SLCO1B1: variants seen among roughly 807,000 people sequenced by gnomAD.
SLCO1B1 encodes OATP-2.
A neutral mutation model predicts 70.1 loss-of-function variants in SLCO1B1; 81 were observed. The ratio of observed to expected loss-of-function variants is 1.16; its 90% CI spans 0.97 to 1.39. SLCO1B1 has a LOEUF of 1.39. Ranked by LOEUF, SLCO1B1 falls within the 40% of genes most tolerant of loss-of-function variation. The probability of loss-of-function intolerance (pLI) is 0.00; values close to 1 mark genes in which losing one functional copy is unlikely to be tolerated. For missense variants in SLCO1B1, 895 were observed against 799.6 expected, an observed-to-expected ratio of 1.12 and a Z score of -1.44; for synonymous variants, 283 against 271.5, an observed-to-expected ratio of 1.04 and a Z score of -0.42.
rs1463981909 is a variant in SLCO1B1, at chr12:21,200,660, A to G, written c.1123A>G (p.Asn375Asp). 1 of 1,611,906 alleles carries G rather than the reference A, an allele frequency of 6.2e-7. No homozygotes were observed. Among genetic ancestry groups the G allele is most frequent in the African/African-American group, 1.3e-5 (1 of 74,874 alleles). Residue 375 changes from asparagine to aspartate, a missense_variant, in exon 9 of 15, where the codon AAC becomes GAC. Asn to Asp is a conservative substitution (Grantham distance 23). Transcript: ENST00000256958. ...QQYGQPSSKA[N>D]ILLGVITIPI... is the part of the protein sequence containing the mutation. ...GTATGGTCAGCCTTCATCTAAGGCTAACATCTTATTGGGTAAGACATATTT... is the reference window on the plus strand; with the variant it reads ...GTATGGTCAGCCTTCATCTAAGGCTGACATCTTATTGGGTAAGACATATTT...
intron 7 of SLCO1B1, among the ~76,000 whole-genome samples, chr12:21,182,031 G>A (rs2121114038): frequency 1.3e-5 from 2 of 152,222 alleles, no homozygotes; most frequent in Middle Eastern, 6.8e-3. Context: ...CTTCCACTGA[G>A]GAAGCCCAAA....
rs1941146341 is a variant in SLCO1B1 at position 21,200,621 on chromosome 12, T to C, written c.1084T>C (p.Tyr362His). The part of the protein sequence containing the change: ...YIGAFTYVFK[Y>H]VEQQYGQPSS... ...TGGTGCTTTTACTTATGTCTTCAAA[T>C]ACGTAGAGCAACAGTATGGTCAGCC... Residue 362 changes from tyrosine to histidine, a missense_variant, in exon 9 of 15, where the codon TAC (tyrosine) becomes CAC (histidine). Physicochemically the swap from Tyr to His is moderately conservative, Grantham distance 83. Coordinates refer to ENST00000256958, the MANE Select transcript of SLCO1B1 (RefSeq NM_006446.5). The C allele has an allele frequency of 6.2e-7, 1 of 1,612,178 alleles. No homozygotes were observed. Among genetic ancestry groups the C allele is most frequent in the Non-Finnish European group, 8.5e-7 (1 of 1,178,980 alleles).
intron 3 of SLCO1B1, 54 bp downstream of exon 3, chr12:21,172,845 A>G (rs1241330428): frequency 8.7e-6 from 13 of 1,495,586 alleles, no homozygotes; most frequent in African/African-American, 2.8e-5. Context: ...AAAAATATAT[A>G]TGCTTTACAC....
intron 7 of SLCO1B1, among the ~76,000 whole-genome samples, chr12:21,189,531 T>C (rs934094971): frequency 6.6e-6 from 1 of 152,044 alleles, no homozygotes; most frequent in Admixed American, 6.6e-5. Context: ...CACTGCAATC[T>C]CTGCCTGCCA....
chr12:21,184,755 C>A (rs113545553), intron 7 of SLCO1B1, among the ~76,000 whole-genome samples: 1 of 152,074 alleles, frequency 6.6e-6, no homozygotes, highest in African/African-American at 2.4e-5. Context: ...CAAAATCTCA[C>A]GTATCAATAA....
At chr12:21,230,618 C>T (rs1051865749) in intron 14 of SLCO1B1, among the ~76,000 whole-genome samples, 2 of 152,064 alleles carry the variant, frequency 1.3e-5, no homozygotes, top group East Asian at 1.9e-4. Flanking sequence ...GTGTGAGTCA[C>T]CATGCCCAGC....
At chr12:21,221,558 A>G (rs1210920812) in intron 12 of SLCO1B1, among the ~76,000 whole-genome samples, 1 of 152,182 alleles carries the variant, frequency 6.6e-6, no homozygotes, top group Non-Finnish European at 1.5e-5. Context: ...AAGAAATACA[A>G]AAAAACTCAT....
intron 1 of SLCO1B1, among the ~76,000 whole-genome samples, chr12:21,137,543 G>A (rs752598629): frequency 1.3e-4 from 20 of 152,120 alleles, no homozygotes; most frequent in South Asian, 6.2e-4. Flanking sequence ...AATGGTGGCC[G>A]CCCCTCCCCC....
At chr12:21,161,025 G>C (rs1320465637) in intron 2 of SLCO1B1, among the ~76,000 whole-genome samples, 3 of 152,136 alleles carry the variant, frequency 2.0e-5, no homozygotes, top group African/African-American at 7.2e-5. Context: ...GCCTGGCAAG[G>C]TTGTGGAGAA....
At chr12:21,201,342 G>A (rs994088084) in intron 9 of SLCO1B1, among the ~76,000 whole-genome samples, 1 of 152,116 alleles carries the variant, frequency 6.6e-6, no homozygotes, top group African/African-American at 2.4e-5. Flanking sequence ...AGGAGACCAA[G>A]CTTCCAGATA....
intron 12 of SLCO1B1, among the ~76,000 whole-genome samples, chr12:21,218,793 G>A (rs1941390845): frequency 1.3e-5 from 2 of 152,258 alleles, no homozygotes; most frequent in African/African-American, 4.8e-5. Flanking sequence ...ATCTGTTTCA[G>A]AAATTGATTA....
intron 4 of SLCO1B1, among the ~76,000 whole-genome samples, chr12:21,175,086 T>C (rs1217474507): frequency 6.6e-6 from 1 of 152,204 alleles, no homozygotes; most frequent in African/African-American, 2.4e-5. Flanking sequence ...GAAGCTGTTA[T>C]TCCTAAGGTC....
intron 7 of SLCO1B1, among the ~76,000 whole-genome samples, chr12:21,188,243 C>G (rs1217748777): frequency 6.6e-6 from 1 of 151,836 alleles, no homozygotes; most frequent in Non-Finnish European, 1.5e-5. Flanking sequence ...CTCTTCTACC[C>G]TAGTGAAAGC....
At chr12:21,137,088 G>C (rs1940234520) in intron 1 of SLCO1B1, among the ~76,000 whole-genome samples, 1 of 152,192 alleles carries the variant, frequency 6.6e-6, no homozygotes, top group Non-Finnish European at 1.5e-5. Context: ...GAGTTTGCTA[G>C]AGGTCCACTG....
intron 14 of SLCO1B1, among the ~76,000 whole-genome samples, chr12:21,233,405 A>G (rs547645487): frequency 1.8e-4 from 28 of 152,264 alleles, no homozygotes; most frequent in African/African-American, 6.7e-4. Flanking sequence ...CTAACCAAGA[A>G]TTCCGAGTCT....
chr12:21,224,890 C>A, intron 14 of SLCO1B1, 51 bp downstream of exon 14: 1 of 921,946 alleles, frequency 1.1e-6, no homozygotes, highest in South Asian at 1.6e-5. Context: ...TATATTAATT[C>A]CTAAAAAATA....
chr12:21,141,881 G>A (rs1940314559), intron 2 of SLCO1B1, among the ~76,000 whole-genome samples: 1 of 151,736 alleles, frequency 6.6e-6, no homozygotes, highest in Non-Finnish European at 1.5e-5. Flanking sequence ...GTTTATCAAT[G>A]TAGAAAATTT....
chr12:21,155,293 C>T (rs866070362), intron 2 of SLCO1B1, among the ~76,000 whole-genome samples: 2 of 151,734 alleles, frequency 1.3e-5, no homozygotes, highest in South Asian at 4.1e-4. Context: ...ATGAAATAAC[C>T]AATTTTATTT....
At position 21,224,739 on chromosome 12, in the gene SLCO1B1, A is replaced by G. The variant is rs779674373; in HGVS notation, c.1765A>G (p.Ile589Val). The G allele has an allele frequency of 6.2e-6, 10 of 1,608,746 alleles. No homozygotes were observed. The highest frequency in any genetic ancestry group is 2.2e-5 in the East Asian group (1 of 44,776). ...TATTACAGGAGGAATTCTAGCTCCA[A>G]TATATTTTGGGGCTCTGATTGATAC... ...IRALGGILAP[I>V]YFGALIDTTC... The change falls in exon 14 of 15, where the codon ATA becomes GTA. Residue 589 changes from isoleucine (I) to valine (V), a missense_variant. Physicochemically the swap from Ile to Val is conservative, Grantham distance 29 (BLOSUM62 3). Transcript: ENST00000256958.
Sources: allele counts gnomAD v4.1 joint callset (sites outside exome capture counted in the v4.1 genomes callset), GRCh38; gene constraint gnomAD v4.1.1; transcripts MANE v1.5; gene names NCBI Gene and HGNC (gene_info 2026-07-23, HGNC 2026-07-21).